NF1: variants seen among roughly 807,000 people sequenced by gnomAD.
NF1 encodes the protein neurofibromin.
NF1 carries 122 observed loss-of-function variants against 325.7 expected under a neutral mutation model. The observed-to-expected ratio is 0.37, with a 90% CI of 0.32 to 0.44. The LOEUF is 0.44. Among genes scored for constraint, NF1 ranks in the 20% least tolerant of loss-of-function variants. NF1 has a pLI of 1.00. For synonymous variants in NF1, 1,091 were observed against 1,186.0 expected (o/e 0.92, Z 1.65); for missense variants, 2,140 against 3,415.4 (o/e 0.63, Z 9.31).
intron 8 of NF1, among the ~76,000 whole-genome samples, chr17:31,183,696 G>A (rs1401343651): frequency 6.6e-6 from 1 of 152,184 alleles, no homozygotes; most frequent in East Asian, 1.9e-4. Flanking sequence ...GAGTCAGTGG[G>A]CTGGGAAAGG....
intron 15 of NF1, 121 bp downstream of exon 15, chr17:31,222,050 T>C (rs2144006579): frequency 2.3e-6 from 3 of 1,283,822 alleles, no homozygotes; most frequent in Non-Finnish European, 3.0e-6. Context: ...GGTTTTATGG[T>C]TTTGTATTTT....
At chr17:31,173,145 G>C (rs527402187) in intron 5 of NF1, among the ~76,000 whole-genome samples, 2 of 151,942 alleles carry the variant, frequency 1.3e-5, no homozygotes, top group Non-Finnish European at 1.5e-5. Flanking sequence ...GGCTGGGCGC[G>C]GTGGCTCACG....
At chr17:31,252,775 C>A (rs984431478) in intron 30 of NF1, 163 bp from the exon 31 acceptor site, 2 of 629,864 alleles carry the variant, frequency 3.2e-6, no homozygotes, top group South Asian at 2.0e-5. Context: ...AAATTAAAAC[C>A]CAGAATTAAA....
At chr17:31,328,220 TG>T (rs768632164) in intron 38 of NF1, among the ~76,000 whole-genome samples, 3 of 152,240 alleles carry the variant, frequency 2.0e-5, no homozygotes, top group Admixed American at 6.5e-5. Flanking sequence ...GAAGGCCTAA[TG>T]TTCAATAACT....
At chr17:31,135,262 A>G (rs900454165) in intron 1 of NF1, among the ~76,000 whole-genome samples, 3 of 152,150 alleles carry the variant, frequency 2.0e-5, no homozygotes, top group African/African-American at 7.2e-5. Flanking sequence ...GAGGCTTACA[A>G]TATCTTACAG....
chr17:31,229,138 T>C lies in NF1; in HGVS notation c.2523T>C (p.Thr841=). The stretch of plus-strand genomic sequence containing the variant: ...CCCTACAGGAATGGATCAACATGAC[T>C]GGCTTCCTTTGTGCCCTTGGGGGAG... The part of the protein sequence containing the change: ...TDSLQEWINM[T]GFLCALGGVC... The change falls in exon 21 of 58, where the codon ACT becomes ACC. Residue 841 remains threonine (T), a synonymous_variant. Transcript: ENST00000358273. 1 of 1,611,912 alleles carries C rather than the reference T, an allele frequency of 6.2e-7. No individual in the cohort carries two copies. The highest frequency in any genetic ancestry group is 1.1e-5 in the South Asian group (1 of 90,994).
At chr17:31,266,451 T>G (rs1466778933) in intron 36 of NF1, among the ~76,000 whole-genome samples, 2 of 152,034 alleles carry the variant, frequency 1.3e-5, no homozygotes, top group African/African-American at 4.8e-5. Flanking sequence ...CTTTAACAAC[T>G]CTAAGTAACC....
chr17:31,306,107 C>A (rs2151511078), intron 36 of NF1, among the ~76,000 whole-genome samples: 1 of 152,268 alleles, frequency 6.6e-6, no homozygotes, highest in South Asian at 2.1e-4. Context: ...CTCTCCCCTC[C>A]CCTCCTTGAC....
At chr17:31,172,260 G>A (rs1417946776) in intron 5 of NF1, among the ~76,000 whole-genome samples, 1 of 152,056 alleles carries the variant, frequency 6.6e-6, no homozygotes, top group Non-Finnish European at 1.5e-5. Flanking sequence ...CCAGGAAGAG[G>A]TTGAGGTTGC....
intron 29 of NF1, among the ~76,000 whole-genome samples, chr17:31,237,855 C>T (rs769573606): frequency 3.9e-5 from 6 of 152,068 alleles, no homozygotes; most frequent in Non-Finnish European, 7.4e-5. Flanking sequence ...GATAAGAGAA[C>T]TAGATGGCAA....
At chr17:31,128,934 A>AC (rs1313875591) in intron 1 of NF1, among the ~76,000 whole-genome samples, 1 of 151,914 alleles carries the variant, frequency 6.6e-6, no homozygotes. Flanking sequence ...CTCAAAAAAA[A>AC]AAAAAGGAAT....
chr17:31,295,779 C>T (rs1264485244), intron 36 of NF1: 3 of 1,614,064 alleles, frequency 1.9e-6, no homozygotes, highest in Non-Finnish European at 2.5e-6. Flanking sequence ...ATTAATGTAC[C>T]TGGAAGAATT....
intron 1 of NF1, among the ~76,000 whole-genome samples, chr17:31,097,843 T>C (rs1327161915): frequency 3.9e-5 from 6 of 152,130 alleles, no homozygotes; most frequent in Admixed American, 1.3e-4. Flanking sequence ...ATTACAGGTG[T>C]GCACCATCGT....
chr17:31,266,926 T>C (rs1012504511), intron 36 of NF1, among the ~76,000 whole-genome samples: 11 of 137,290 alleles, frequency 8.0e-5, no homozygotes, highest in African/African-American at 2.5e-4. Flanking sequence ...GCTTATTAGC[T>C]GCATAATCTT....
intron 57 of NF1, among the ~76,000 whole-genome samples, chr17:31,371,032 T>TC (rs2070626991): frequency 6.6e-6 from 1 of 152,182 alleles, no homozygotes; most frequent in Non-Finnish European, 1.5e-5. Flanking sequence ...AAAAAAGTTC[T>TC]ATCTTTTCAA....
chr17:31,152,546 CT>C (rs1179395397), intron 1 of NF1, among the ~76,000 whole-genome samples: 2 of 144,066 alleles, frequency 1.4e-5, no homozygotes, highest in South Asian at 2.3e-4. Flanking sequence ...TTAGTCCCCC[CT>C]TTTTTTTCAA....
chr17:31,202,201 T>G (rs1271055255), intron 11 of NF1, among the ~76,000 whole-genome samples: 1 of 152,190 alleles, frequency 6.6e-6, no homozygotes, highest in African/African-American at 2.4e-5. Context: ...CAACCCTATT[T>G]TGAAAGTTTT....
At chr17:31,254,311 C>T (rs2067545527) in intron 31 of NF1, 1 of 146,720 alleles carries the variant, frequency 6.8e-6, no homozygotes, top group African/African-American at 2.5e-5. Context: ...AAAAGCTTTA[C>T]ATATAAGTTT....
Position 31,359,018 on chromosome 17 carries a change from A to G in NF1, c.8160+3A>G. 1 of 1,613,412 alleles carries G rather than the reference A, an allele frequency of 6.2e-7. No homozygotes were observed. Among genetic ancestry groups the G allele is most frequent in the Non-Finnish European group, 8.5e-7 (1 of 1,179,542 alleles). On this transcript the variant is annotated splice_donor_region_variant and intron_variant, in intron 56 of 57. Transcript: ENST00000358273. ...GGTTTGCAGGACCGTTTTCAAAGGT[A>G]AGAAAATATATTTTTCTCTAACTTT...
Sources: gnomAD v4.1 joint callset for allele counts (sites outside exome capture counted in the v4.1 genomes callset) on GRCh38, gnomAD v4.1.1 for gene constraint, MANE v1.5 for transcripts, NCBI Gene and HGNC (gene_info 2026-07-23, HGNC 2026-07-21) for gene names.